The following SERPINB10 variants were observed in gnomAD, a reference collection of about 807,000 sequenced individuals.
SERPINB10 encodes serpin B10.
A neutral mutation model predicts 39.1 loss-of-function variants in SERPINB10; 35 were observed. That is an observed-to-expected ratio of 0.90 (90% CI 0.68 to 1.19). The LOEUF (loss-of-function observed/expected upper bound fraction) is 1.19. Ranked by LOEUF, SERPINB10 falls within the 50% of genes most tolerant of loss-of-function variation. The probability of loss-of-function intolerance (pLI) is 0.00; values close to 1 mark genes in which losing one functional copy is unlikely to be tolerated. For missense variants in SERPINB10, 546 were observed against 460.5 expected, an observed-to-expected ratio of 1.19 and a Z score of -1.70; for synonymous variants, 190 against 158.1, an observed-to-expected ratio of 1.20 and a Z score of -1.52.
intron 1 of SERPINB10, among the ~76,000 whole-genome samples, chr18:63,914,787 T>C (rs1364609633): frequency 1.3e-5 from 2 of 151,992 alleles, no homozygotes; most frequent in East Asian, 3.9e-4. Flanking sequence ...CATGCAGGTG[T>C]GGTAGGCTGG....
chr18:63,921,987 C>A (rs746908993), intron 5 of SERPINB10, among the ~76,000 whole-genome samples: 1 of 151,884 alleles, frequency 6.6e-6, no homozygotes, highest in Non-Finnish European at 1.5e-5. Flanking sequence ...TAAACATCCT[C>A]CTCTTTGCTC....
At chr18:63,933,462 G>A (rs2050238828) in intron 7 of SERPINB10, among the ~76,000 whole-genome samples, 2 of 152,162 alleles carry the variant, frequency 1.3e-5, no homozygotes, top group African/African-American at 4.8e-5. Context: ...GCTCCAGCCT[G>A]GGGTCATCAC....
intron 1 of SERPINB10, among the ~76,000 whole-genome samples, chr18:63,908,530 C>G (rs2050041739): frequency 1.3e-5 from 2 of 151,952 alleles, no homozygotes; most frequent in African/African-American, 4.8e-5. Context: ...AACTGTTACC[C>G]CCACAAACCC....
chr18:63,919,410 A>G (rs1036019750), intron 4 of SERPINB10, among the ~76,000 whole-genome samples: 15 of 151,916 alleles, frequency 9.9e-5, no homozygotes, highest in African/African-American at 3.6e-4. Context: ...CATACCTACC[A>G]TAAAAAGTCA....
chr18:63,913,039 CT>C (rs1568242411), intron 1 of SERPINB10, among the ~76,000 whole-genome samples: 92 of 151,904 alleles, frequency 6.1e-4, no homozygotes, highest in African/African-American at 2.1e-3. Flanking sequence ...TATTCATTTT[CT>C]CTAGATTATC....
chr18:63,934,829 A>G lies in SERPINB10; in HGVS notation c.790-9A>G. The G allele has an allele frequency of 6.3e-7, 1 of 1,585,684 alleles. No homozygotes were observed. Among genetic ancestry groups the G allele is most frequent in the Non-Finnish European group, 8.6e-7 (1 of 1,166,696 alleles). On this transcript the variant is annotated splice_polypyrimidine_tract_variant and intron_variant, in intron 7 of 7. Coordinates refer to ENST00000238508, the MANE Select transcript of SERPINB10 (RefSeq NM_005024.3). ...ACTGATTCTTTCTTTCTTGGTTCCA[A>G]ATGGGCAGCTGGAAAAGGCCATCAC... is the stretch of plus-strand genomic sequence containing the variant.
chr18:63,933,037 G>GA lies in SERPINB10; in HGVS notation c.634-11_634-10insA. 3 of 1,594,016 alleles carry GA rather than the reference G, an allele frequency of 1.9e-6. No individual in the cohort carries two copies. On this transcript the variant is annotated splice_polypyrimidine_tract_variant and intron_variant, in intron 6 of 7. Transcript: ENST00000238508. Reference sequence around the variant, plus strand: ...TTGTTACCTGTTTTTTTGTTTTTTTGTTTTTTTTAGACTACAAGCAAACCA... The same window carrying GA: ...TTGTTACCTGTTTTTTTGTTTTTTTGATTTTTTTTAGACTACAAGCAAACCA...
intron 1 of SERPINB10, among the ~76,000 whole-genome samples, chr18:63,909,785 C>T (rs141430351): frequency 7.7e-4 from 117 of 151,994 alleles, no homozygotes; most frequent in African/African-American, 2.7e-3. Flanking sequence ...ATACTGTATG[C>T]AGGTAACAAA....
chr18:63,922,247 C>T (rs1046312623), intron 5 of SERPINB10, among the ~76,000 whole-genome samples: 7 of 151,926 alleles, frequency 4.6e-5, no homozygotes, highest in Admixed American at 2.0e-4. Context: ...ACTCAAAAGC[C>T]GTGGTGAAGC....
intron 4 of SERPINB10, among the ~76,000 whole-genome samples, chr18:63,919,532 G>A (rs186309396): frequency 1.5e-3 from 228 of 151,976 alleles, no homozygotes; most frequent in Non-Finnish European, 6.0e-4. Flanking sequence ...AAGAGGATGT[G>A]GAAGCCCCAA....
Position 63,915,314 on chromosome 18 carries a change from G to A in SERPINB10, c.-9-188G>A, listed in dbSNP as rs148149856. ...AGCACTAAAATTTGAGGCAATTCCC[G>A]TAAATTCTCTAAACTTCAGTGTTTT... On this transcript the variant is annotated intron_variant, in intron 1 of 7. Transcript: ENST00000238508. Among the ~76,000 whole-genome samples, 370 of 152,080 alleles carry A rather than the reference G, an allele frequency of 2.4e-3. 4 individuals are homozygous for A. Among genetic ancestry groups the A allele is most frequent in the African/African-American group, 8.4e-3 (348 of 41,492 alleles).
chr18:63,923,870 C>T (rs1267813877), intron 5 of SERPINB10, among the ~76,000 whole-genome samples: 1 of 151,864 alleles, frequency 6.6e-6, no homozygotes, highest in Non-Finnish European at 1.5e-5. Flanking sequence ...GATTTTGCTC[C>T]AGCCGTGTTC....
intron 1 of SERPINB10, among the ~76,000 whole-genome samples, chr18:63,914,403 C>T (rs557706635): frequency 6.6e-6 from 1 of 152,092 alleles, no homozygotes; most frequent in South Asian, 2.1e-4. Context: ...CTTTTGTTTC[C>T]ATTTTTAAAA....
chr18:63,918,087 G>A lies in SERPINB10; in HGVS notation c.357G>A (p.Thr119=), dbSNP rs201911253. 28 of 1,612,172 alleles carry A rather than the reference G, an allele frequency of 1.7e-5. No homozygotes were observed. Among genetic ancestry groups the A allele is most frequent in the Non-Finnish European group, 2.1e-5 (25 of 1,178,912 alleles). The change falls in exon 4 of 8, where the codon ACG becomes ACA. Residue 119 remains threonine, a synonymous_variant. Coordinates refer to ENST00000238508, the MANE Select transcript of SERPINB10 (RefSeq NM_005024.3). ...CCAATGCGATATATGGAGAGAAAAC[G>A]TATGCATTTCACAATGTAAGTGCAA... ...KTANAIYGEK[T]YAFHNKYLED... is the part of the protein sequence containing the mutation.
intron 6 of SERPINB10, 37 bp downstream of exon 6, chr18:63,930,224 T>C (rs2050212586): frequency 6.2e-7 from 1 of 1,602,508 alleles, no homozygotes; most frequent in Non-Finnish European, 8.5e-7. Context: ...GATTTTCACA[T>C]GGCATTGTAC....
chr18:63,918,275 A>G (rs971199475), intron 4 of SERPINB10, among the ~76,000 whole-genome samples, 173 bp downstream of exon 4: 3 of 152,064 alleles, frequency 2.0e-5, no homozygotes, highest in Non-Finnish European at 2.9e-5. Context: ...AAGGAAACCA[A>G]TAACAGGTCT....
Position 63,915,674 on chromosome 18 carries a change from C to T in SERPINB10, c.164C>T (p.Ala55Val), listed in dbSNP as rs1001608296. 1.9e-6 allele frequency: 3 copies of T among 1,601,156 alleles called. No individual in the cohort carries two copies. The highest frequency in any genetic ancestry group is 2.6e-6 in the Non-Finnish European group (3 of 1,171,908). The change falls in exon 2 of 8, where the codon GCC (alanine) becomes GTC (valine). Residue 55 changes from alanine to valine, a missense_variant. Ala to Val is a moderately conservative substitution (Grantham distance 64, BLOSUM62 0). Transcript: ENST00000238508. Reference protein sequence around the residue: ...GAKGTTAAQMAQVLQFNRDQG... With the variant: ...GAKGTTAAQMVQVLQFNRDQG... Reference sequence around the variant, plus strand: ...AAAGGTACCACTGCAGCCCAAATGGCCCAGGTGAGTGGAAAAGGTCAACTA... The same window carrying T: ...AAAGGTACCACTGCAGCCCAAATGGTCCAGGTGAGTGGAAAAGGTCAACTA...
intron 1 of SERPINB10, among the ~76,000 whole-genome samples, chr18:63,911,674 CT>C (rs1289684720): frequency 6.6e-6 from 1 of 152,072 alleles, no homozygotes; most frequent in Non-Finnish European, 1.5e-5. Context: ...GTTTTGGTTA[CT>C]GCAGGCTTAT....
At chr18:63,934,127 C>T (rs2050243909) in intron 7 of SERPINB10, among the ~76,000 whole-genome samples, 1 of 152,142 alleles carries the variant, frequency 6.6e-6, no homozygotes, top group Admixed American at 6.5e-5. Flanking sequence ...ACAGCCAAAA[C>T]TTCCGTCTAG....
Sources: allele counts gnomAD v4.1 joint callset (sites outside exome capture counted in the v4.1 genomes callset), GRCh38; gene constraint gnomAD v4.1.1; transcripts MANE v1.5; gene names NCBI Gene and HGNC (gene_info 2026-07-23, HGNC 2026-07-21).